FBXO42: variants seen among roughly 807,000 people sequenced by gnomAD.
The protein encoded by FBXO42 is F-box protein 42.
Under a neutral mutation model 71.7 loss-of-function variants are expected in FBXO42, and 12 were observed. That is an observed-to-expected ratio of 0.17 (90% CI 0.11 to 0.27). The LOEUF (loss-of-function observed/expected upper bound fraction) is 0.27. FBXO42 is among the 10% of genes least tolerant of loss of function. The probability of loss-of-function intolerance (pLI) is 1.00; values close to 1 mark genes in which losing one functional copy is unlikely to be tolerated. For synonymous variants in FBXO42, 325 were observed against 327.5 expected (o/e 0.99, Z 0.08); for missense variants, 707 against 911.9 (o/e 0.78, Z 2.89).
At chr1:16,298,667 G>A (rs925114370) in intron 3 of FBXO42, among the ~76,000 whole-genome samples, 2 of 151,882 alleles carry the variant, frequency 1.3e-5, no homozygotes, top group Non-Finnish European at 2.9e-5. Context: ...CCACCACCAC[G>A]CCCAGCTAGT....
rs551431249 is a variant in FBXO42, at chr1:16,247,618, T to C, written c.*3052A>G. 1.3e-5 allele frequency: 2 copies of C among 152,344 alleles called. No individual in the cohort carries two copies. The highest frequency in any genetic ancestry group is 4.8e-5 in the African/African-American group (2 of 41,556). 9.4% of individuals were successfully genotyped at this position (152,344 alleles called of 1,614,324 possible). ...TAGAATAGTTCATGGTTTTCAGCTG[T>C]TGCTGTAAAACTCGAACATTAAAAT... On this transcript the variant is annotated 3_prime_UTR_variant, in exon 10 of 10. Transcript: ENST00000375592.
At chr1:16,305,740 A>G (rs2082243416) in intron 3 of FBXO42, 63 bp downstream of exon 3, 1 of 1,406,726 alleles carries the variant, frequency 7.1e-7, no homozygotes, top group Non-Finnish European at 1.0e-6. Flanking sequence ...ACATGCCACC[A>G]AACAAGTTTC....
intron 4 of FBXO42, chr1:16,293,268 C>G (rs996210465): frequency 4.6e-5 from 7 of 152,098 alleles, no homozygotes; most frequent in Admixed American, 3.3e-4. Context: ...TTACAGGTAC[C>G]CATCACCATG....
intron 1 of FBXO42, among the ~76,000 whole-genome samples, chr1:16,331,478 G>A (rs72637832): frequency 0.18 from 26,813 of 151,078 alleles, 2,705 homozygotes; most frequent in Non-Finnish European, 0.22. Flanking sequence ...AAACCGGCTT[G>A]GTGCGGTGGC....
intron 6 of FBXO42, among the ~76,000 whole-genome samples, chr1:16,254,284 T>C (rs932975979): frequency 2.0e-5 from 3 of 152,088 alleles, no homozygotes; most frequent in Non-Finnish European, 4.4e-5. Flanking sequence ...CAGCAGGAAA[T>C]AGACACTGGT....
chr1:16,256,482 C>T (rs2081646521), intron 5 of FBXO42, 124 bp downstream of exon 5: 1 of 1,029,612 alleles, frequency 9.7e-7, no homozygotes, highest in Non-Finnish European at 1.4e-6. Flanking sequence ...TTTTTCCCCT[C>T]CTGGGAAAAG....
At chr1:16,276,718 G>A (rs1369645513) in intron 4 of FBXO42, among the ~76,000 whole-genome samples, 3 of 152,212 alleles carry the variant, frequency 2.0e-5, no homozygotes, top group East Asian at 3.8e-4. Flanking sequence ...ATGAAGTACT[G>A]TTAGGAGATT....
rs386366300 is a variant in FBXO42 at position 16,283,494 on chromosome 1, G to GTTTTTTTTTTTTTTTTTTT, written c.502+11270_502+11288dup. Among the ~76,000 whole-genome samples, 26 of 80,986 alleles carry GTTTTTTTTTTTTTTTTTTT rather than the reference G, an allele frequency of 3.2e-4. 2 individuals are homozygous for GTTTTTTTTTTTTTTTTTTT. The highest frequency in any genetic ancestry group is 1.1e-3 in the African/African-American group (25 of 22,486). The allele number at this position is 80,986 out of a possible 152,430, so 53.1% of individuals were successfully genotyped here. On this transcript the variant is annotated intron_variant, in intron 4 of 9. Transcript: ENST00000375592. ...TTATAGACTCTTCTAACTGTGGCAA[G>GTTTTTTTTTTTTTTTTTTT]TTTTTTTTTTTTTTTTTTTTTTTGA...
intron 1 of FBXO42, among the ~76,000 whole-genome samples, chr1:16,349,355 AC>A (rs1351239664): frequency 2.0e-5 from 3 of 152,172 alleles, no homozygotes; most frequent in African/African-American, 7.2e-5. Context: ...GCAACTTCAG[AC>A]CAAAAGCTGT....
intron 1 of FBXO42, among the ~76,000 whole-genome samples, chr1:16,328,981 G>A (rs894038491): frequency 2.6e-5 from 4 of 151,666 alleles, no homozygotes; most frequent in African/African-American, 9.7e-5. Context: ...TGACCAACAT[G>A]GTGAAACCCC....
At chr1:16,338,393 T>C (rs1260679036) in intron 1 of FBXO42, among the ~76,000 whole-genome samples, 4 of 149,938 alleles carry the variant, frequency 2.7e-5, no homozygotes, top group African/African-American at 9.8e-5. Context: ...CAATGTTGCA[T>C]GACATCTTGT....
At chr1:16,303,348 T>A (rs2082216272) in intron 3 of FBXO42, among the ~76,000 whole-genome samples, 1 of 152,202 alleles carries the variant, frequency 6.6e-6, no homozygotes, top group South Asian at 2.1e-4. Context: ...TTTTTATCTG[T>A]AGGACTGTCC....
At chr1:16,351,374 C>T (rs919371733) in intron 1 of FBXO42, among the ~76,000 whole-genome samples, 2 of 152,156 alleles carry the variant, frequency 1.3e-5, no homozygotes, top group South Asian at 4.1e-4. Context: ...CAGCAACTGC[C>T]AGCAAGTAAA....
intron 4 of FBXO42, among the ~76,000 whole-genome samples, chr1:16,269,542 T>A (rs991913728): frequency 1.3e-5 from 2 of 152,104 alleles, no homozygotes; most frequent in Non-Finnish European, 2.9e-5. Context: ...TTTGTTTATT[T>A]GAGACAGAGT....
At chr1:16,279,179 T>C (rs2081935365) in intron 4 of FBXO42, among the ~76,000 whole-genome samples, 1 of 152,238 alleles carries the variant, frequency 6.6e-6, no homozygotes, top group South Asian at 2.1e-4. Flanking sequence ...ACCAATACTT[T>C]TTCCTGCCCC....
At chr1:16,349,498 T>C (rs1263095603) in intron 1 of FBXO42, among the ~76,000 whole-genome samples, 2 of 152,238 alleles carry the variant, frequency 1.3e-5, no homozygotes, top group Non-Finnish European at 2.9e-5. Context: ...ACGAACACTA[T>C]CTTTTCTGAT....
chr1:16,343,377 C>T (rs1043977509), intron 1 of FBXO42, among the ~76,000 whole-genome samples: 1 of 143,634 alleles, frequency 7.0e-6, no homozygotes, highest in Non-Finnish European at 1.6e-5. Context: ...AACTCCATCT[C>T]TACAAAAAAC....
chr1:16,348,501 A>G (rs1457413381), intron 1 of FBXO42, among the ~76,000 whole-genome samples: 1 of 152,084 alleles, frequency 6.6e-6, no homozygotes, highest in East Asian at 1.9e-4. Flanking sequence ...GTTCGAGACC[A>G]GCCTGGCCAA....
At chr1:16,311,190 A>AG (rs370018146) in intron 2 of FBXO42, among the ~76,000 whole-genome samples, 18 of 147,590 alleles carry the variant, frequency 1.2e-4, no homozygotes, top group Non-Finnish European at 1.9e-4. Context: ...AAAAAAAAAA[A>AG]GGGGGTCAAA....
Sources: allele counts gnomAD v4.1 joint callset (sites outside exome capture counted in the v4.1 genomes callset), GRCh38; gene constraint gnomAD v4.1.1; transcripts MANE v1.5; gene names NCBI Gene and HGNC (gene_info 2026-07-23, HGNC 2026-07-21).